RIMS2: variants seen among roughly 807,000 people sequenced by gnomAD.
RIMS2 encodes the protein regulating synaptic membrane exocytosis 2, also known as regulating synaptic membrane exocytosis protein 2.
In RIMS2, 59 loss-of-function variants were observed where a neutral mutation model predicts 174.4. The observed-to-expected ratio is 0.34, with a 90% CI of 0.27 to 0.42. The LOEUF (loss-of-function observed/expected upper bound fraction) is 0.42. RIMS2 is among the 10% of genes least tolerant of loss of function. The pLI is 1.00. For synonymous variants in RIMS2, 606 were observed against 572.5 expected, an observed-to-expected ratio of 1.06 and a Z score of -0.84; for missense variants, 1,620 against 1,666.3, an observed-to-expected ratio of 0.97 and a Z score of 0.48.
intron 3 of RIMS2, among the ~76,000 whole-genome samples, chr8:103,834,884 C>T (rs1201618714): frequency 1.3e-5 from 2 of 151,822 alleles, no homozygotes; most frequent in African/African-American, 2.4e-5. Context: ...AATCCTCTCA[C>T]CTCAACCTCC....
intron 1 of RIMS2, among the ~76,000 whole-genome samples, chr8:103,587,719 T>C (rs1259899314): frequency 6.6e-6 from 1 of 152,022 alleles, no homozygotes; most frequent in African/African-American, 2.4e-5. Context: ...CATTTCATAA[T>C]GAAAAATCCT....
chr8:103,984,106 G>A (rs1053115521), intron 16 of RIMS2, among the ~76,000 whole-genome samples: 1 of 152,016 alleles, frequency 6.6e-6, no homozygotes, highest in South Asian at 2.1e-4. Context: ...CCTGGGAGGC[G>A]GAGCTTGCAG....
At chr8:104,201,385 T>G (rs532356176) in intron 19 of RIMS2, among the ~76,000 whole-genome samples, 1 of 152,216 alleles carries the variant, frequency 6.6e-6, no homozygotes, top group Non-Finnish European at 1.5e-5. Flanking sequence ...TCTAAAAAGA[T>G]TCTCAAAATA....
intron 5 of RIMS2, 51 bp from the exon 9 acceptor site, chr8:103,912,002 C>G: frequency 1.5e-6 from 2 of 1,369,482 alleles, no homozygotes. Context: ...TAAATAAAAT[C>G]ATTTATTTAT....
At chr8:104,069,832 C>T (rs958263123) in intron 19 of RIMS2, among the ~76,000 whole-genome samples, 19 of 152,004 alleles carry the variant, frequency 1.2e-4, no homozygotes, top group Admixed American at 1.1e-3. Context: ...TGATATTATT[C>T]GTGGTCAAAG....
chr8:104,069,613 C>A (rs533601178), intron 19 of RIMS2, among the ~76,000 whole-genome samples: 60 of 151,892 alleles, frequency 4.0e-4, no homozygotes, highest in African/African-American at 1.4e-3. Context: ...GGGCTACAGA[C>A]ATGCGCCACC....
chr8:103,545,133 A>C (rs77862499), intron 1 of RIMS2, among the ~76,000 whole-genome samples: 1 of 152,210 alleles, frequency 6.6e-6, no homozygotes, highest in Non-Finnish European at 1.5e-5. Context: ...CAATCCAAAG[A>C]ATCTAGGAAA....
rs574701734 is a variant in RIMS2 at position 104,069,706 on chromosome 8, G to A, written c.3334+55091G>A. Among the ~76,000 whole-genome samples, 15 of 151,986 alleles carry A rather than the reference G, an allele frequency of 9.9e-5. No homozygotes were observed. In the Middle Eastern group the frequency reaches 0.02, roughly 207 times the overall value. On this transcript the variant is annotated intron_variant, in intron 19 of 23. Transcript: ENST00000504942. ...GCTGGTCTCAAACTCCTGACCTGGCGATCCGCCTGCCTCAGCCCAAAGTGC... is the reference window on the plus strand; with the variant it reads ...GCTGGTCTCAAACTCCTGACCTGGCAATCCGCCTGCCTCAGCCCAAAGTGC...
At chr8:103,683,998 C>T (rs1019718911) in intron 1 of RIMS2, among the ~76,000 whole-genome samples, 3 of 152,092 alleles carry the variant, frequency 2.0e-5, no homozygotes, top group Non-Finnish European at 4.4e-5. Flanking sequence ...TATAAGGACT[C>T]CTGGAATTTT....
At chr8:103,976,671 C>T (rs2093468816) in intron 16 of RIMS2, 2 of 151,888 alleles carry the variant, frequency 1.3e-5, no homozygotes, top group Admixed American at 6.6e-5. Context: ...CCTCAGCCTC[C>T]CAAGTAGCTG....
chr8:104,223,750 C>T (rs2099168199), intron 19 of RIMS2: 2 of 1,595,624 alleles, frequency 1.3e-6, no homozygotes, highest in African/African-American at 1.3e-5. Context: ...AGGCACTGGC[C>T]GGCTACTTTC....
chr8:104,080,700 A>G (rs1369114771), intron 19 of RIMS2, among the ~76,000 whole-genome samples: 2 of 152,162 alleles, frequency 1.3e-5, no homozygotes, highest in African/African-American at 2.4e-5. Context: ...TATATCTACA[A>G]TTTTGTTATG....
intron 1 of RIMS2, among the ~76,000 whole-genome samples, chr8:103,549,283 T>A (rs1254162308): frequency 6.6e-6 from 1 of 152,124 alleles, no homozygotes; most frequent in Non-Finnish European, 1.5e-5. Flanking sequence ...TGGCAGAAAT[T>A]CTACAAGCCA....
At chr8:103,935,020 T>C (rs1356988685) in intron 12 of RIMS2, among the ~76,000 whole-genome samples, 1 of 152,178 alleles carries the variant, frequency 6.6e-6, no homozygotes. Flanking sequence ...TCGAATTAAA[T>C]AGCAAGGCTC....
intron 13 of RIMS2, among the ~76,000 whole-genome samples, chr8:103,939,145 C>T (rs1368789128): frequency 1.3e-5 from 2 of 152,222 alleles, no homozygotes; most frequent in African/African-American, 4.8e-5. Context: ...TGTACCGGGG[C>T]TCTGACCCCA....
At chr8:103,548,736 T>C (rs1846228332) in intron 1 of RIMS2, among the ~76,000 whole-genome samples, 1 of 152,168 alleles carries the variant, frequency 6.6e-6, no homozygotes, top group Non-Finnish European at 1.5e-5. Flanking sequence ...ACCATTTCTC[T>C]TTGCCAACAA....
chr8:103,651,576 A>G (rs559230946), intron 1 of RIMS2, among the ~76,000 whole-genome samples: 3 of 152,316 alleles, frequency 2.0e-5, no homozygotes, highest in African/African-American at 7.2e-5. Flanking sequence ...CTTGATTATT[A>G]TAGTTATTTC....
intron 1 of RIMS2, among the ~76,000 whole-genome samples, chr8:103,609,589 C>T (rs1023805062): frequency 6.6e-6 from 1 of 152,148 alleles, no homozygotes; most frequent in Non-Finnish European, 1.5e-5. Flanking sequence ...GTCAGTTATC[C>T]CAGCACTCTT....
At chr8:103,813,861 A>G (rs924269379) in intron 3 of RIMS2, among the ~76,000 whole-genome samples, 1 of 152,114 alleles carries the variant, frequency 6.6e-6, no homozygotes, top group East Asian at 1.9e-4. Flanking sequence ...CGCAATAAAT[A>G]TATGTGTGCA....
Sources: allele counts gnomAD v4.1 joint callset (sites outside exome capture counted in the v4.1 genomes callset), GRCh38; gene constraint gnomAD v4.1.1; transcripts MANE v1.5; gene names NCBI Gene and HGNC (gene_info 2026-07-23, HGNC 2026-07-21).